AKT3: variants seen among roughly 807,000 people sequenced by gnomAD.
AKT3 encodes the protein RAC-gamma serine/threonine-protein kinase.
In AKT3, 15 loss-of-function variants were observed where a neutral mutation model predicts 65.3. That is an observed-to-expected ratio of 0.23 (90% CI 0.15 to 0.35). The LOEUF is 0.35. AKT3 is among the 10% of genes least tolerant of loss of function. AKT3 has a pLI of 1.00. For missense variants in AKT3, 243 were observed against 576.5 expected, an observed-to-expected ratio of 0.42 and a Z score of 5.92; for synonymous variants, 206 against 183.8, an observed-to-expected ratio of 1.12 and a Z score of -0.98.
rs552530807 is a variant in AKT3, at chr1:243,559,928, G to A, written c.948+3792C>T. On this transcript the variant is annotated intron_variant, in intron 10 of 13. Coordinates refer to ENST00000673466, the MANE Select transcript of AKT3 (RefSeq NM_005465.7). ...AAAAAAGTGCGAGACACCATCTGAG[G>A]TAAAAGGAAGAGGCTGGCTTCAGCT... 1.7e-3 allele frequency among the ~76,000 whole-genome samples: 266 copies of A among 152,218 alleles called. 1 individual carries two copies. Among genetic ancestry groups the A allele is most frequent in the Non-Finnish European group, 3.2e-3 (219 of 67,998 alleles).
Position 243,819,218 on chromosome 1 carries a change from T to A in AKT3, c.46+23907A>T, listed in dbSNP as rs141970405. On this transcript the variant is annotated intron_variant, in intron 2 of 13. Coordinates refer to ENST00000673466, the MANE Select transcript of AKT3 (RefSeq NM_005465.7). ...CTCCCCAGGGAAGGGAGAGCAGCCA[T>A]CACTGCAGCTGCCTGCTGCCTAAGA... 1.8e-4 allele frequency among the ~76,000 whole-genome samples: 27 copies of A among 152,320 alleles called. No homozygotes were observed. In the East Asian group the frequency reaches 5.0e-3, roughly 28 times the overall value.
At chr1:243,721,100 T>C (rs952268550) in intron 2 of AKT3, among the ~76,000 whole-genome samples, 8 of 151,994 alleles carry the variant, frequency 5.3e-5, no homozygotes, top group Non-Finnish European at 8.8e-5. Flanking sequence ...AAGCAGATAA[T>C]AAAGACTAGA....
intron 2 of AKT3, among the ~76,000 whole-genome samples, chr1:243,709,357 C>T (rs1686005434): frequency 6.6e-6 from 1 of 150,964 alleles, no homozygotes; most frequent in Admixed American, 6.6e-5. Flanking sequence ...AGCAAATTTA[C>T]TTTGACACAG....
chr1:243,499,909 G>T lies in AKT3; in HGVS notation c.*5340C>A. 1 of 910,340 alleles carries T rather than the reference G, an allele frequency of 1.1e-6. No homozygotes were observed. The highest frequency in any genetic ancestry group is 1.8e-6 in the Non-Finnish European group (1 of 565,708). 56.4% of individuals were successfully genotyped at this position (910,340 alleles called of 1,614,324 possible). The stretch of plus-strand genomic sequence containing the variant: ...GTGACACCGCCTCAGCCTGCAGTGG[G>T]GCTGGTCCTCATCAACGCGGGCGCT... On this transcript the variant is annotated 3_prime_UTR_variant, in exon 14 of 14. Coordinates refer to ENST00000673466, the MANE Select transcript of AKT3 (RefSeq NM_005465.7).
intron 5 of AKT3, among the ~76,000 whole-genome samples, chr1:243,641,622 T>C (rs138607673): frequency 2.4e-4 from 36 of 152,216 alleles, no homozygotes; most frequent in African/African-American, 8.7e-4. Context: ...AAAATATTAC[T>C]ATATTCCTTA....
At chr1:243,525,649 T>C (rs1176232588) in intron 12 of AKT3, among the ~76,000 whole-genome samples, 1 of 144,606 alleles carries the variant, frequency 6.9e-6, no homozygotes, top group Non-Finnish European at 1.5e-5. Context: ...ACATTGGAGA[T>C]TATGTAAGAG....
At chr1:243,658,254 G>A (rs989481302) in intron 4 of AKT3, among the ~76,000 whole-genome samples, 1 of 151,930 alleles carries the variant, frequency 6.6e-6, no homozygotes, top group South Asian at 2.1e-4. Flanking sequence ...ACTCAGTAGC[G>A]AAAACAAAAA....
rs970996134 is a variant in AKT3, at chr1:243,662,192, C to T, written c.284+2580G>A. ...AACTAGAAATACCATTTGACCCAGC[C>T]ATCCCATAACTGGGTATATACCCAA... On this transcript the variant is annotated intron_variant, in intron 4 of 13. Transcript: ENST00000673466. Among the ~76,000 whole-genome samples the T allele has an allele frequency of 1.1e-3, 173 of 152,216 alleles. 1 individual carries two copies. Among genetic ancestry groups the T allele is most frequent in the Admixed American group, 2.4e-3 (36 of 15,284 alleles).
At chr1:243,651,094 T>A (rs1330157082) in intron 4 of AKT3, among the ~76,000 whole-genome samples, 2 of 152,346 alleles carry the variant, frequency 1.3e-5, no homozygotes, top group South Asian at 4.1e-4. Context: ...TGGTTTGTAG[T>A]TCTCCTTGAA....
intron 2 of AKT3, among the ~76,000 whole-genome samples, chr1:243,792,435 A>C (rs1691689684): frequency 6.6e-6 from 1 of 152,216 alleles, no homozygotes; most frequent in Non-Finnish European, 1.5e-5. Context: ...ATGGAATTAT[A>C]CATCTATATA....
At position 243,589,430 on chromosome 1, in the gene AKT3, T is replaced by C. The variant is rs536647600; in HGVS notation, c.697-16382A>G. Among the ~76,000 whole-genome samples, 4 of 150,752 alleles carry C rather than the reference T, an allele frequency of 2.7e-5. No individual in the cohort carries two copies. In the South Asian group the frequency reaches 8.5e-4, roughly 32 times the overall value. On this transcript the variant is annotated intron_variant, in intron 8 of 13. Coordinates refer to ENST00000673466, the MANE Select transcript of AKT3 (RefSeq NM_005465.7). ...CGTGGCCAGCAGATACATGAAAAGG[T>C]GCTCAAGATAGATCACTAGTCAACA...
chr1:243,814,162 A>G (rs1693367742), intron 2 of AKT3, among the ~76,000 whole-genome samples: 1 of 152,222 alleles, frequency 6.6e-6, no homozygotes, highest in South Asian at 2.1e-4. Flanking sequence ...GCTCATGAAC[A>G]CAATACATTC....
intron 2 of AKT3, chr1:243,793,686 C>A (rs1275431303): frequency 6.6e-6 from 1 of 151,862 alleles, no homozygotes; most frequent in African/African-American, 2.4e-5. Flanking sequence ...AAGGGAGGAT[C>A]CTTTGAGCCC....
chr1:243,742,157 GTAT>G (rs1403330858), intron 2 of AKT3, among the ~76,000 whole-genome samples: 3 of 151,566 alleles, frequency 2.0e-5, no homozygotes, highest in Non-Finnish European at 4.4e-5. Context: ...TTGGAATTTG[GTAT>G]CCACAAGGGA....
chr1:243,514,034 A>G (rs1187965700), intron 12 of AKT3, among the ~76,000 whole-genome samples: 2 of 152,066 alleles, frequency 1.3e-5, no homozygotes, highest in Non-Finnish European at 2.9e-5. Context: ...TTTTTAGAAA[A>G]CCAAGGGGGT....
At chr1:243,692,717 G>A (rs989332717) in intron 3 of AKT3, among the ~76,000 whole-genome samples, 5 of 151,862 alleles carry the variant, frequency 3.3e-5, no homozygotes, top group African/African-American at 7.3e-5. Context: ...CAGCCCGGGG[G>A]ACAGAGTGAG....
intron 12 of AKT3, among the ~76,000 whole-genome samples, chr1:243,530,900 T>C (rs937238324): frequency 1.3e-5 from 2 of 152,080 alleles, no homozygotes. Context: ...TACACTTGAA[T>C]TGAAAATAAA....
intron 13 of AKT3, among the ~76,000 whole-genome samples, chr1:243,509,101 C>T (rs1422730421): frequency 6.6e-6 from 1 of 152,150 alleles, no homozygotes; most frequent in East Asian, 1.9e-4. Context: ...CATTTAAAGA[C>T]ACCAAGGTTG....
chr1:243,777,834 T>A (rs1690654245), intron 2 of AKT3, among the ~76,000 whole-genome samples: 1 of 152,158 alleles, frequency 6.6e-6, no homozygotes, highest in Non-Finnish European at 1.5e-5. Context: ...GAATCCTACT[T>A]CACCCACAAG....
Sources: gnomAD v4.1 joint callset for allele counts (sites outside exome capture counted in the v4.1 genomes callset) on GRCh38, gnomAD v4.1.1 for gene constraint, MANE v1.5 for transcripts, NCBI Gene and HGNC (gene_info 2026-07-23, HGNC 2026-07-21) for gene names.